Variants in IL21 observed in about 807,000 individuals in gnomAD.
IL21 encodes the protein interleukin 21.
IL21 carries 3 observed loss-of-function variants against 18.4 expected under a neutral mutation model. That is an observed-to-expected ratio of 0.16 (90% confidence interval 0.07 to 0.42). The LOEUF is 0.42. Among genes scored for constraint, IL21 ranks in the 10% least tolerant of loss-of-function variants. The probability of loss-of-function intolerance (pLI) is 0.99; values close to 1 mark genes in which losing one functional copy is unlikely to be tolerated. For missense variants in IL21, 130 were observed against 188.4 expected, an observed-to-expected ratio of 0.69 and a Z score of 1.81; for synonymous variants, 37 against 62.0, an observed-to-expected ratio of 0.60 and a Z score of 1.90.
chr4:122,617,442 T>G (rs1799351670), intron 2 of IL21, among the ~76,000 whole-genome samples: 1 of 152,182 alleles, frequency 6.6e-6, no homozygotes, highest in Admixed American at 6.5e-5. Flanking sequence ...AAAACCAGCA[T>G]TTCTCACAGA....
chr4:122,620,261 T>C (rs45604536), intron 2 of IL21: 2,739 of 154,532 alleles, frequency 0.018, 87 homozygotes, highest in African/African-American at 0.062. Context: ...TCTTTCTTTT[T>C]TAAGTTTGTT....
At chr4:122,620,152 T>C (rs1799403825) in intron 2 of IL21, 1 of 152,366 alleles carries the variant, frequency 6.6e-6, no homozygotes, top group Non-Finnish European at 1.5e-5. Flanking sequence ...AAGACAAGAC[T>C]CACTGAGGCC....
At chr4:122,620,490 A>G (rs1339951697) in intron 2 of IL21, among the ~76,000 whole-genome samples, 1 of 152,210 alleles carries the variant, frequency 6.6e-6, no homozygotes, top group Non-Finnish European at 1.5e-5. Flanking sequence ...AGATAAACAT[A>G]GTTTATGAGG....
chr4:122,611,609 T>C lies in IL21; in HGVS notation c.*1101A>G, dbSNP rs1431726446. Among the ~76,000 whole-genome samples, 1 of 152,170 alleles carries C rather than the reference T, an allele frequency of 6.6e-6. No homozygotes were observed. The highest frequency in any genetic ancestry group is 1.5e-5 in the Non-Finnish European group (1 of 68,008). On this transcript the variant is annotated 3_prime_UTR_variant, in exon 5 of 5. Transcript: ENST00000648588. ...AGGTTGCTTGTTTTTACTACCCAAGTCTGAAAGATTGGAATGCTTATGCGA... is the reference window on the plus strand; with the variant it reads ...AGGTTGCTTGTTTTTACTACCCAAGCCTGAAAGATTGGAATGCTTATGCGA...
rs1799267076 is a variant in IL21, at chr4:122,611,902, CAA to C, written c.*806_*807del. Among the ~76,000 whole-genome samples, 6 of 152,212 alleles carry C rather than the reference CAA, an allele frequency of 3.9e-5. No homozygotes were observed. The highest frequency in any genetic ancestry group is 1.4e-4 in the African/African-American group (6 of 41,544). ...TTATAACAGTTTGAGAAGAGAGCTA[CAA>C]TACTTTTAAAACTATGTTTGGTTCC... On this transcript the variant is annotated 3_prime_UTR_variant, in exon 5 of 5. Transcript: ENST00000648588.
chr4:122,613,516 T>A (rs1799292752), intron 3 of IL21, among the ~76,000 whole-genome samples: 1 of 152,166 alleles, frequency 6.6e-6, no homozygotes, highest in Admixed American at 6.5e-5. Context: ...CATGCCTGGC[T>A]AATTTTTGTA....
chr4:122,611,942 G>A lies in IL21; in HGVS notation c.*768C>T, dbSNP rs959777525. Among the ~76,000 whole-genome samples the A allele has an allele frequency of 5.3e-5, 8 of 151,978 alleles. No homozygotes were observed. Among genetic ancestry groups the A allele is most frequent in the African/African-American group, 1.9e-4 (8 of 41,376 alleles). ...TATGTTTGGTTCCAGAAGACAACCTGGCATATGTCCCTCTATAGGTTTAAA... is the reference window on the plus strand; with the variant it reads ...TATGTTTGGTTCCAGAAGACAACCTAGCATATGTCCCTCTATAGGTTTAAA... On this transcript the variant is annotated 3_prime_UTR_variant, in exon 5 of 5. Coordinates refer to ENST00000648588, the MANE Select transcript of IL21 (RefSeq NM_021803.4).
chr4:122,619,310 T>C (rs1457472650), intron 2 of IL21: 1 of 152,238 alleles, frequency 6.6e-6, no homozygotes, highest in African/African-American at 2.4e-5. Context: ...CCTACTAGTA[T>C]AGCTTAAAGA....
chr4:122,620,607 A>T (rs373906059), intron 2 of IL21, 94 bp downstream of exon 2: 2 of 1,000,946 alleles, frequency 2.0e-6, no homozygotes, highest in Middle Eastern at 3.3e-4. Flanking sequence ...ATTAAAATTC[A>T]GTATACTCCT....
Position 122,611,656 on chromosome 4 carries a change from A to G in IL21, c.*1054T>C, listed in dbSNP as rs541365028. Among the ~76,000 whole-genome samples, 347 of 152,326 alleles carry G rather than the reference A, an allele frequency of 2.3e-3. 2 individuals are homozygous for G. The highest frequency in any genetic ancestry group is 7.4e-3 in the African/African-American group (307 of 41,576). On this transcript the variant is annotated 3_prime_UTR_variant, in exon 5 of 5. Transcript: ENST00000648588. ...GCGAAAGTCTGTTTTCAACTTGGAC[A>G]GGAGTCCTGGCCTCTTGGTTTGTCT...
At position 122,621,028 on chromosome 4, in the gene IL21, G is replaced by A. The variant is rs1799421248; in HGVS notation, c.-17C>T. 1.2e-6 allele frequency: 2 copies of A among 1,607,278 alleles called. No individual in the cohort carries two copies. Among genetic ancestry groups the A allele is most frequent in the Middle Eastern group, 1.7e-4 (1 of 6,042 alleles). ...GGATCTCATAAGTACCAACAGTAGAGCTAGACCTTGGTCTCGTTTTCACTT... is the reference window on the plus strand; with the variant it reads ...GGATCTCATAAGTACCAACAGTAGAACTAGACCTTGGTCTCGTTTTCACTT... On this transcript the variant is annotated 5_prime_UTR_variant, in exon 1 of 5. Coordinates refer to ENST00000648588, the MANE Select transcript of IL21 (RefSeq NM_021803.4).
chr4:122,612,683 C>T lies in IL21; in HGVS notation c.*27G>A. On this transcript the variant is annotated 3_prime_UTR_variant, in exon 5 of 5. Coordinates refer to ENST00000648588, the MANE Select transcript of IL21 (RefSeq NM_021803.4). Reference sequence around the variant, plus strand: ...TTCACTACTATATTAGAGTATGTAACATAGTGTCCAACTGCAAGTTAGATC... The same window carrying T: ...TTCACTACTATATTAGAGTATGTAATATAGTGTCCAACTGCAAGTTAGATC... 7.0e-7 allele frequency: 1 copy of T among 1,436,636 alleles called. No individual in the cohort carries two copies. The highest frequency in any genetic ancestry group is 9.8e-7 in the Non-Finnish European group (1 of 1,019,336). 89.0% of individuals were successfully genotyped at this position (1,436,636 alleles called of 1,614,324 possible).
Position 122,611,678 on chromosome 4 carries a change from G to A in IL21, c.*1032C>T, listed in dbSNP as rs1192135795. Among the ~76,000 whole-genome samples, 2 of 152,100 alleles carry A rather than the reference G, an allele frequency of 1.3e-5. No homozygotes were observed. The highest frequency in any genetic ancestry group is 4.8e-5 in the African/African-American group (2 of 41,416). Reference sequence around the variant, plus strand: ...GACAGGAGTCCTGGCCTCTTGGTTTGTCTCCTGATTTTTAAATTATATAGG... The same window carrying A: ...GACAGGAGTCCTGGCCTCTTGGTTTATCTCCTGATTTTTAAATTATATAGG... On this transcript the variant is annotated 3_prime_UTR_variant, in exon 5 of 5. Transcript: ENST00000648588.
chr4:122,618,892 A>T lies in IL21; in HGVS notation c.204+1809T>A, dbSNP rs560957692. 3 of 150,818 alleles carry T rather than the reference A, an allele frequency of 2.0e-5. No individual in the cohort carries two copies. In the South Asian group the frequency reaches 6.3e-4, roughly 32 times the overall value. The allele number at this position is 150,818 out of a possible 1,614,324, so 9.3% of individuals were successfully genotyped here. ...ATCAGGGTTTCTCAACGGTGATACC[A>T]CTGACATTTGGGGCTAGATAATTCT... On this transcript the variant is annotated intron_variant, in intron 2 of 4. Transcript: ENST00000648588.
Position 122,612,558 on chromosome 4 carries a change from G to A in IL21, c.*152C>T. The A allele has an allele frequency of 1.7e-6, 1 of 601,184 alleles. No individual in the cohort carries two copies. The highest frequency in any genetic ancestry group is 2.8e-5 in the Admixed American group (1 of 35,102). 37.2% of individuals were successfully genotyped at this position (601,184 alleles called of 1,614,324 possible). A position where few individuals can be genotyped will look rare whatever the true frequency, so the allele number is the denominator to read the frequency against. ...ACATAGGAAATCAGACTATTGTATA[G>A]TGATTATGGGGAAATAATCCTGACT... is the stretch of plus-strand genomic sequence containing the variant. On this transcript the variant is annotated 3_prime_UTR_variant, in exon 5 of 5. Transcript: ENST00000648588.
At chr4:122,613,498 C>T (rs546268279) in intron 3 of IL21, among the ~76,000 whole-genome samples, 45 of 151,956 alleles carry the variant, frequency 3.0e-4, no homozygotes, top group African/African-American at 9.9e-4. Flanking sequence ...ATTACAGGCA[C>T]GCACGACCAT....
At position 122,610,893 on chromosome 4, in the gene IL21, G is replaced by A. The variant is rs1042887804; in HGVS notation, c.*1817C>T. Among the ~76,000 whole-genome samples the A allele has an allele frequency of 1.3e-5, 2 of 152,162 alleles. No individual in the cohort carries two copies. The highest frequency in any genetic ancestry group is 4.8e-5 in the African/African-American group (2 of 41,438). On this transcript the variant is annotated 3_prime_UTR_variant, in exon 5 of 5. Transcript: ENST00000648588. ...GGTTTAACTCTGGTTAAACAGCAGA[G>A]TTTATCTGGGTGTTTAAACTCTGTT...
intron 2 of IL21, among the ~76,000 whole-genome samples, chr4:122,618,120 A>G (rs1799364998): frequency 6.6e-6 from 1 of 152,186 alleles, no homozygotes; most frequent in Non-Finnish European, 1.5e-5. Context: ...CTGCTGCTAC[A>G]TTGTTTTGCA....
chr4:122,620,341 A>G (rs1485289197), intron 2 of IL21, among the ~76,000 whole-genome samples: 1 of 152,190 alleles, frequency 6.6e-6, no homozygotes, highest in African/African-American at 2.4e-5. Context: ...AAGAAGGCTC[A>G]AAAGCTTTCA....
Sources: allele counts gnomAD v4.1 joint callset (sites outside exome capture counted in the v4.1 genomes callset), GRCh38; gene constraint gnomAD v4.1.1; transcripts MANE v1.5; gene names NCBI Gene and HGNC (gene_info 2026-07-23, HGNC 2026-07-21).